PRKCH: variants seen among roughly 807,000 people sequenced by gnomAD.
PRKCH encodes protein kinase C eta type.
PRKCH carries 28 observed loss-of-function variants against 82.5 expected under a neutral mutation model. That is an observed-to-expected ratio of 0.34 (90% confidence interval 0.25 to 0.47). The LOEUF (loss-of-function observed/expected upper bound fraction) is 0.47. Ranked by LOEUF, PRKCH falls within the 20% of genes least tolerant of loss-of-function variation. The pLI is 1.00. For synonymous variants in PRKCH, 322 were observed against 327.4 expected, an observed-to-expected ratio of 0.98 and a Z score of 0.18; for missense variants, 705 against 881.8, an observed-to-expected ratio of 0.80 and a Z score of 2.54.
chr14:61,499,958 C>G (rs1886828870), intron 10 of PRKCH, among the ~76,000 whole-genome samples: 1 of 151,584 alleles, frequency 6.6e-6, no homozygotes, highest in East Asian at 1.9e-4. Context: ...GTCTCCCAAT[C>G]TAGTTTACCT....
chr14:61,512,300 AAG>A (rs1461599443), intron 10 of PRKCH, among the ~76,000 whole-genome samples: 6 of 150,476 alleles, frequency 4.0e-5, no homozygotes, highest in African/African-American at 1.2e-4. Context: ...CAGAGAGAGA[AAG>A]AGAATTTTTC....
intron 1 of PRKCH, among the ~76,000 whole-genome samples, chr14:61,315,430 A>G: frequency 6.6e-6 from 1 of 152,164 alleles, no homozygotes; most frequent in African/African-American, 2.4e-5. Context: ...AGAGATAATA[A>G]CATTTCATTT....
chr14:61,512,135 C>A (rs1425370269), intron 10 of PRKCH, among the ~76,000 whole-genome samples: 1 of 151,502 alleles, frequency 6.6e-6, no homozygotes, highest in Non-Finnish European at 1.5e-5. Flanking sequence ...TTGTGTTCTA[C>A]AAACTCTACG....
chr14:61,514,182 G>A lies in PRKCH; in HGVS notation c.1434-14893G>A, dbSNP rs895923413. 5.9e-5 allele frequency among the ~76,000 whole-genome samples: 9 copies of A among 152,010 alleles called. 1 individual carries two copies. The highest frequency in any genetic ancestry group is 1.2e-4 in the Non-Finnish European group (8 of 68,008). ...CACCAGCCTGCTGCCCAACCTGGCT[G>A]ACCCGTCTGCTCACGGACCCTGTCT... is the stretch of plus-strand genomic sequence containing the variant. On this transcript the variant is annotated intron_variant, in intron 10 of 13. Coordinates refer to ENST00000332981, the MANE Select transcript of PRKCH (RefSeq NM_006255.5).
Position 61,223,833 on chromosome 14 carries a change from A to G in PRKCH, c.-19+36165A>G, listed in dbSNP as rs146707062. 8.3e-3 allele frequency among the ~76,000 whole-genome samples: 1,270 copies of G among 152,322 alleles called. 10 individuals are homozygous for G. Among genetic ancestry groups the G allele is most frequent in the South Asian group, 0.014 (69 of 4,830 alleles). ...GATCCAGCAGTCCAGACAGGCAGCC[A>G]TAAACAGCACCTTGTGAGGGACTTC... On this transcript the variant is annotated intron_variant, in intron 1 of 3. Transcript: ENST00000555185.
chr14:61,546,400 G>A (rs2043258244), intron 12 of PRKCH, among the ~76,000 whole-genome samples: 1 of 152,242 alleles, frequency 6.6e-6, no homozygotes, highest in Admixed American at 6.5e-5. Flanking sequence ...GGAGAGAGGA[G>A]AAGCGATTAA....
intron 9 of PRKCH, among the ~76,000 whole-genome samples, chr14:61,463,551 C>A (rs1224857566): frequency 1.3e-5 from 2 of 152,100 alleles, no homozygotes; most frequent in Admixed American, 1.3e-4. Flanking sequence ...GATAGCACTG[C>A]AAATCCTAAT....
chr14:61,500,954 T>A (rs1886878946), intron 10 of PRKCH, among the ~76,000 whole-genome samples: 1 of 152,148 alleles, frequency 6.6e-6, no homozygotes, highest in African/African-American at 2.4e-5. Flanking sequence ...GTTGATTGCA[T>A]GGAACAGCAT....
chr14:61,529,269 C>G, intron 11 of PRKCH, 56 bp downstream of exon 11: 1 of 1,538,718 alleles, frequency 6.5e-7, no homozygotes, highest in Non-Finnish European at 8.8e-7. Flanking sequence ...TAACTCTGAC[C>G]AGAAATGCCA....
intron 1 of PRKCH, among the ~76,000 whole-genome samples, chr14:61,189,201 C>G (rs1168960803): frequency 6.6e-6 from 1 of 152,218 alleles, no homozygotes; most frequent in Non-Finnish European, 1.5e-5. Context: ...GGGGGAAGCC[C>G]GCCGGTGTTT....
intron 8 of PRKCH, 81 bp from the exon 9 acceptor site, chr14:61,457,425 A>G (rs1407672561): frequency 1.5e-5 from 24 of 1,587,254 alleles, no homozygotes; most frequent in Non-Finnish European, 2.0e-5. Context: ...CTCATGTGCC[A>G]TTCTTTCTTC....
chr14:61,431,526 A>G (rs1883396485), intron 2 of PRKCH, among the ~76,000 whole-genome samples: 1 of 152,214 alleles, frequency 6.6e-6, no homozygotes. Flanking sequence ...CCTCCAAGGA[A>G]GCAAGAATCG....
At chr14:61,513,939 G>A (rs188493699) in intron 10 of PRKCH, among the ~76,000 whole-genome samples, 1 of 152,214 alleles carries the variant, frequency 6.6e-6, no homozygotes, top group Non-Finnish European at 1.5e-5. Flanking sequence ...TCGTTTTACA[G>A]ATGAGGAAAC....
At chr14:61,475,843 A>ACT (rs1459604692) in intron 9 of PRKCH, among the ~76,000 whole-genome samples, 1 of 152,188 alleles carries the variant, frequency 6.6e-6, no homozygotes, top group African/African-American at 2.4e-5. Context: ...AAAACTTCTT[A>ACT]TTTGCCCTGA....
chr14:61,390,393 C>T lies in PRKCH; in HGVS notation c.364-832C>T, dbSNP rs145031175. 5.9e-5 allele frequency among the ~76,000 whole-genome samples: 9 copies of T among 152,202 alleles called. No homozygotes were observed. The East Asian group carries it at 1.4e-3, about 23-fold the overall frequency. On this transcript the variant is annotated intron_variant, in intron 1 of 13. Transcript: ENST00000332981. ...CCGTGACTAATTAAGAGTAGCAGTC[C>T]GACACAGTGTCTCACGCCTGTAATC...
intron 9 of PRKCH, among the ~76,000 whole-genome samples, chr14:61,467,658 A>T (rs1885320273): frequency 6.6e-6 from 1 of 152,244 alleles, no homozygotes; most frequent in Non-Finnish European, 1.5e-5. Flanking sequence ...GGAATTCTGA[A>T]GAAGCCTCTG....
At chr14:61,481,495 C>T (rs948059877) in intron 9 of PRKCH, among the ~76,000 whole-genome samples, 5 of 152,208 alleles carry the variant, frequency 3.3e-5, no homozygotes, top group Admixed American at 1.3e-4. Context: ...CTCCCATTGC[C>T]TAAACAAGGG....
intron 9 of PRKCH, among the ~76,000 whole-genome samples, chr14:61,473,138 C>G (rs892722552): frequency 6.6e-6 from 1 of 152,042 alleles, no homozygotes; most frequent in African/African-American, 2.4e-5. Context: ...AGTGCAAAGG[C>G]ACAGAGGCTT....
chr14:61,423,802 C>G (rs1566873981), intron 2 of PRKCH, among the ~76,000 whole-genome samples: 1 of 152,134 alleles, frequency 6.6e-6, no homozygotes, highest in Non-Finnish European at 1.5e-5. Context: ...GTCCTCGACC[C>G]CAGATCCATT....
Sources: allele counts gnomAD v4.1 joint callset (sites outside exome capture counted in the v4.1 genomes callset), GRCh38; gene constraint gnomAD v4.1.1; transcripts MANE v1.5; gene names NCBI Gene and HGNC (gene_info 2026-07-23, HGNC 2026-07-21).